Variants in CYP3A43 observed in about 807,000 individuals in gnomAD.
The protein encoded by CYP3A43 is cytochrome P450 family 3 subfamily A member 43, also known as cytochrome P450 3A43.
In CYP3A43, 45 loss-of-function variants were observed where a neutral mutation model predicts 58.0. The observed-to-expected ratio is 0.78, with a 90% CI of 0.61 to 0.99. The LOEUF (loss-of-function observed/expected upper bound fraction) is 0.99, where lower values mean the gene tolerates loss of function less well. Among genes scored for constraint, CYP3A43 ranks in the 50% least tolerant of loss-of-function variants. The pLI is 0.00. For missense variants in CYP3A43, 593 were observed against 591.9 expected (o/e 1.00, Z -0.02); for synonymous variants, 191 against 201.4 (o/e 0.95, Z 0.44).
At chr7:99,832,620 A>G (rs905666926) in intron 1 of CYP3A43, among the ~76,000 whole-genome samples, 3 of 151,668 alleles carry the variant, frequency 2.0e-5, no homozygotes, top group Non-Finnish European at 2.9e-5. Flanking sequence ...CAGCACACCA[A>G]CATGGCACAT....
intron 12 of CYP3A43, among the ~76,000 whole-genome samples, chr7:99,864,659 A>C (rs1818378345): frequency 6.7e-6 from 1 of 148,764 alleles, no homozygotes; most frequent in East Asian, 1.9e-4. Context: ...TAATTCTTTC[A>C]TAAAAGTCCA....
chr7:99,835,984 G>A (rs1309090160), intron 1 of CYP3A43, among the ~76,000 whole-genome samples: 3 of 152,040 alleles, frequency 2.0e-5, no homozygotes, highest in Admixed American at 6.6e-5. Context: ...TCTTAGCTTC[G>A]GCTGTGCATA....
chr7:99,837,355 G>GAA (rs887744157), intron 2 of CYP3A43, among the ~76,000 whole-genome samples: 2 of 149,212 alleles, frequency 1.3e-5, no homozygotes, highest in Non-Finnish European at 3.0e-5. Context: ...AAAAGAAAAA[G>GAA]AAAATTCAGT....
At position 99,847,679 on chromosome 7, in the gene CYP3A43, CT is replaced by C. The variant is rs763278503; in HGVS notation, c.432+81del. ...CAGGTAGTAAGTATCATCATAGTTCCTTTCTAATGGGTAGTCCACTGAGTTT... is the reference window on the plus strand; with the variant it reads ...CAGGTAGTAAGTATCATCATAGTTCCTTCTAATGGGTAGTCCACTGAGTTT... On this transcript the variant is annotated intron_variant, in intron 5 of 12. Transcript: ENST00000354829. 3.8e-6 allele frequency: 6 copies of C among 1,589,914 alleles called. No individual in the cohort carries two copies. The South Asian group carries it at 6.7e-5, about 18-fold the overall frequency.
At chr7:99,851,985 G>C (rs972512345) in intron 7 of CYP3A43, among the ~76,000 whole-genome samples, 1 of 152,076 alleles carries the variant, frequency 6.6e-6, no homozygotes, top group Non-Finnish European at 1.5e-5. Context: ...TTTATATGCC[G>C]TGTGACGTAA....
intron 1 of CYP3A43, among the ~76,000 whole-genome samples, chr7:99,828,811 TTATC>T (rs1816725314): frequency 6.6e-6 from 1 of 152,226 alleles, no homozygotes; most frequent in African/African-American, 2.4e-5. Context: ...TGAAGTTCTC[TTATC>T]TGACTAAGGG....
chr7:99,861,814 G>A lies in CYP3A43; in HGVS notation c.1228G>A (p.Glu410Lys), dbSNP rs1818248934. The A allele has an allele frequency of 6.2e-7, 1 of 1,613,220 alleles. No homozygotes were observed. The highest frequency in any genetic ancestry group is 8.5e-7 in the Non-Finnish European group (1 of 1,179,408). Residue 410 changes from glutamate (E) to lysine (K), a missense_variant, in exon 11 of 13, where the codon GAG (glutamate) becomes AAG (lysine). Coordinates refer to ENST00000354829, the MANE Select transcript of CYP3A43 (RefSeq NM_057095.3). ...ALHHDPKYWT[E>K]PEKFCPERFS... is the part of the protein sequence containing the mutation. ...TCACCATGACCCAAAGTACTGGACA[G>A]AGCCTGAGAAGTTCTGCCCTGAAAG...
intron 1 of CYP3A43, 108 bp downstream of exon 1, chr7:99,828,294 A>G (rs1816705812): frequency 2.3e-5 from 18 of 787,192 alleles, no homozygotes; most frequent in Non-Finnish European, 3.6e-5. Flanking sequence ...ACGGAGGGGA[A>G]GTTACCTAAG....
intron 11 of CYP3A43, among the ~76,000 whole-genome samples, chr7:99,863,021 T>C (rs1294710698): frequency 6.6e-6 from 1 of 152,168 alleles, no homozygotes; most frequent in East Asian, 1.9e-4. Context: ...GAGAAATCCA[T>C]ATACTAAAAA....
At chr7:99,839,925 TG>T (rs1817266864) in intron 3 of CYP3A43, among the ~76,000 whole-genome samples, 1 of 152,216 alleles carries the variant, frequency 6.6e-6, no homozygotes, top group Non-Finnish European at 1.5e-5. Context: ...ATTATGCAGA[TG>T]GTTCTCTTCC....
At chr7:99,831,139 AAG>A (rs1353628331) in intron 1 of CYP3A43, among the ~76,000 whole-genome samples, 1 of 152,216 alleles carries the variant, frequency 6.6e-6, no homozygotes, top group East Asian at 1.9e-4. Flanking sequence ...AAGATCCCCA[AAG>A]AGGGAACCAA....
At chr7:99,848,800 G>A (rs1370464990) in intron 6 of CYP3A43, among the ~76,000 whole-genome samples, 1 of 152,178 alleles carries the variant, frequency 6.6e-6, no homozygotes, top group African/African-American at 2.4e-5. Flanking sequence ...CAATGCTATT[G>A]TTTGTTGTCT....
Position 99,830,522 on chromosome 7 carries a change from G to GA in CYP3A43, c.71+2346dup, listed in dbSNP as rs200299130. On this transcript the variant is annotated intron_variant, in intron 1 of 12. Coordinates refer to ENST00000354829, the MANE Select transcript of CYP3A43 (RefSeq NM_057095.3). ...AACAAGAGCAAAACTTAGTCTAAAA[G>GA]AAAAAAAAAAGAAAAAAATAATATT... is the stretch of plus-strand genomic sequence containing the variant. 6.0e-3 allele frequency among the ~76,000 whole-genome samples: 872 copies of GA among 145,212 alleles called. 9 individuals carry two copies. The highest frequency in any genetic ancestry group is 0.02 in the African/African-American group (806 of 39,516).
intron 7 of CYP3A43, among the ~76,000 whole-genome samples, chr7:99,852,719 C>T (rs1021315077): frequency 2.6e-5 from 4 of 152,166 alleles, no homozygotes; most frequent in African/African-American, 9.7e-5. Context: ...ATCCTTGTCT[C>T]ATTCATGATC....
intron 3 of CYP3A43, among the ~76,000 whole-genome samples, chr7:99,842,913 G>C (rs1245997668): frequency 6.6e-6 from 1 of 152,108 alleles, no homozygotes. Context: ...TTAAAACCAA[G>C]TTCTGTTGAA....
chr7:99,831,798 T>C (rs1816853943), intron 1 of CYP3A43, among the ~76,000 whole-genome samples: 1 of 152,156 alleles, frequency 6.6e-6, no homozygotes, highest in Non-Finnish European at 1.5e-5. Context: ...GGCATTGTGC[T>C]TATCAAGTAA....
chr7:99,845,935 C>G (rs984956509), intron 4 of CYP3A43, among the ~76,000 whole-genome samples: 2 of 151,638 alleles, frequency 1.3e-5, no homozygotes, highest in Non-Finnish European at 2.9e-5. Flanking sequence ...GGCACCATGC[C>G]CAGCTAATCT....
intron 1 of CYP3A43, among the ~76,000 whole-genome samples, chr7:99,831,289 T>C (rs1210243502): frequency 6.6e-6 from 1 of 152,224 alleles, no homozygotes; most frequent in Admixed American, 6.5e-5. Context: ...AAAGCTAACC[T>C]ATAAAGAAGA....
Position 99,849,578 on chromosome 7 carries a change from C to T in CYP3A43, c.554C>T (p.Thr185Ile), listed in dbSNP as rs1180317044. ...FFGAYTMDVI[T>I]GTLFGVNLDS... ...GGGGCCTACACCATGGATGTAATCA[C>T]TGGCACATTATTTGGAGTGAACTTG... Residue 185 changes from threonine (T) to isoleucine (I), a missense_variant, in exon 7 of 13, where the codon ACT (threonine) becomes ATT (isoleucine). Transcript: ENST00000354829. The T allele has an allele frequency of 1.2e-6, 2 of 1,612,500 alleles. No individual in the cohort carries two copies. The highest frequency in any genetic ancestry group is 1.7e-6 in the Non-Finnish European group (2 of 1,179,664).
Sources: gnomAD v4.1 joint callset for allele counts (sites outside exome capture counted in the v4.1 genomes callset) on GRCh38, gnomAD v4.1.1 for gene constraint, MANE v1.5 for transcripts, NCBI Gene and HGNC (gene_info 2026-07-23, HGNC 2026-07-21) for gene names.